FUT4: variants seen among roughly 807,000 people sequenced by gnomAD.
FUT4 encodes the protein fucosyltransferase 4.
Under a neutral mutation model 3.8 loss-of-function variants are expected in FUT4, and 1 was observed. The ratio of observed to expected loss-of-function variants is 0.26; its 90% CI spans 0.09 to 1.25. The LOEUF is 1.25. Ranked by LOEUF, FUT4 falls within the 50% of genes most tolerant of loss-of-function variation. The pLI is 0.47. For synonymous variants in FUT4, 417 were observed against 355.3 expected (o/e 1.17, Z -1.95); for missense variants, 880 against 768.2 (o/e 1.15, Z -1.72).
chr11:94,544,868 G>T lies in FUT4; in HGVS notation c.735G>T (p.Gly245=). The stretch of plus-strand genomic sequence containing the variant: ...TCCACCACCGCGACCTCGTGAAGGG[G>T]CCCCCCGACTGGCCCCCGCCCTGGG... ...VLFHHRDLVK[G]PPDWPPPWGI... The change falls in exon 1 of 1, where the codon GGG becomes GGT. Residue 245 remains glycine, a synonymous_variant. Transcript: ENST00000358752. The T allele has an allele frequency of 1.2e-6, 2 of 1,608,634 alleles. No homozygotes were observed.
chr11:94,544,173 G>A lies in FUT4; in HGVS notation c.40G>A (p.Ala14Thr). ...GGGCGCGGCCCGGAAGCCCTCGGGC[G>A]CGGGCTGGGAGAAGGAGTGGGCGGA... is the stretch of plus-strand genomic sequence containing the variant. ...LWGAARKPSG[A>T]GWEKEWAEAP... Residue 14 changes from alanine (A) to threonine (T), a missense_variant, in exon 1 of 1, where the codon GCG becomes ACG. Physicochemically the swap from Ala to Thr is moderately conservative, Grantham distance 58. Transcript: ENST00000358752. 2 of 1,393,576 alleles carry A rather than the reference G, an allele frequency of 1.4e-6. No homozygotes were observed. The highest frequency in any genetic ancestry group is 1.5e-5 in the African/African-American group (1 of 65,458). 86.3% of individuals were successfully genotyped at this position (1,393,576 alleles called of 1,614,324 possible). A position where few individuals can be genotyped will look rare whatever the true frequency, so the allele number is the denominator to read the frequency against.
rs1019864370 is a variant in FUT4, at chr11:94,547,981, C to T, written c.*2255C>T. The T allele has an allele frequency of 3.0e-5, 5 of 166,852 alleles. No individual in the cohort carries two copies. Among genetic ancestry groups the T allele is most frequent in the African/African-American group, 1.2e-4 (5 of 41,406 alleles). The allele number at this position is 166,852 out of a possible 1,614,324, so 10.3% of individuals were successfully genotyped here. On this transcript the variant is annotated 3_prime_UTR_variant, in exon 1 of 1. Coordinates refer to ENST00000358752, the MANE Select transcript of FUT4 (RefSeq NM_002033.4). ...GCTTGCAGTGATTTCAGGATGTCCTCATATCTATTTATAGGTCTAAAATTA... is the reference window on the plus strand; with the variant it reads ...GCTTGCAGTGATTTCAGGATGTCCTTATATCTATTTATAGGTCTAAAATTA...
At position 94,544,792 on chromosome 11, in the gene FUT4, G is replaced by T; in HGVS notation, c.659G>T (p.Cys220Phe). 1 of 1,593,092 alleles carries T rather than the reference G, an allele frequency of 6.3e-7. No individual in the cohort carries two copies. ...DCRLRFNISGCRLLTDRASYG... is the reference protein window; with the variant it reads ...DCRLRFNISGFRLLTDRASYG... ...CGGCTGCGCTTCAACATCAGCGGCTGCCGCCTGCTCACCGACCGCGCGTCC... is the reference window on the plus strand; with the variant it reads ...CGGCTGCGCTTCAACATCAGCGGCTTCCGCCTGCTCACCGACCGCGCGTCC... The change falls in exon 1 of 1, where the codon TGC becomes TTC. Residue 220 changes from cysteine to phenylalanine, a missense_variant. By Grantham distance (205) the Cys-to-Phe change is radical. Coordinates refer to ENST00000358752, the MANE Select transcript of FUT4 (RefSeq NM_002033.4).
rs575691176 is a variant in FUT4, at chr11:94,544,889, C to T, written c.756C>T (p.Pro252=). The change falls in exon 1 of 1, where the codon CCC becomes CCT. Residue 252 remains proline, a synonymous_variant. Transcript: ENST00000358752. The part of the protein sequence containing the change: ...LVKGPPDWPP[P]WGIQAHTAEE... ...AGGGGCCCCCCGACTGGCCCCCGCCCTGGGGCATCCAGGCGCACACTGCCG... is the reference window on the plus strand; with the variant it reads ...AGGGGCCCCCCGACTGGCCCCCGCCTTGGGGCATCCAGGCGCACACTGCCG... 1.2e-6 allele frequency: 2 copies of T among 1,609,472 alleles called. No individual in the cohort carries two copies. The highest frequency in any genetic ancestry group is 1.7e-6 in the Non-Finnish European group (2 of 1,179,306).
At position 94,544,075 on chromosome 11, in the gene FUT4, G is replaced by A; in HGVS notation, c.-59G>A. The A allele has an allele frequency of 7.3e-7, 1 of 1,362,182 alleles. No individual in the cohort carries two copies. The allele number at this position is 1,362,182 out of a possible 1,614,324, so 84.4% of individuals were successfully genotyped here. On this transcript the variant is annotated 5_prime_UTR_variant, in exon 1 of 1. Coordinates refer to ENST00000358752, the MANE Select transcript of FUT4 (RefSeq NM_002033.4). The stretch of plus-strand genomic sequence containing the variant: ...TTCGGGCCACAGTGAGCGAGGGCCA[G>A]GGCGGTGGGCGCGCGCAGAGGGAAA...
At position 94,544,053 on chromosome 11, in the gene FUT4, G is replaced by A; in HGVS notation, c.-81G>A. On this transcript the variant is annotated 5_prime_UTR_variant, in exon 1 of 1. Transcript: ENST00000358752. ...CCTTCCCTCTGGAAGGCGAGGGTTC[G>A]GGCCACAGTGAGCGAGGGCCAGGGC... 3 of 1,346,860 alleles carry A rather than the reference G, an allele frequency of 2.2e-6. No individual in the cohort carries two copies. The highest frequency in any genetic ancestry group is 4.1e-5 in the South Asian group (2 of 49,276). The allele number at this position is 1,346,860 out of a possible 1,614,324, so 83.4% of individuals were successfully genotyped here.
chr11:94,548,594 TCTC>T lies in FUT4; in HGVS notation c.*2869_*2871del, dbSNP rs1947891538. The T allele has an allele frequency of 1.2e-5, 2 of 167,144 alleles. No homozygotes were observed. Among genetic ancestry groups the T allele is most frequent in the African/African-American group, 4.8e-5 (2 of 41,556 alleles). The allele number at this position is 167,144 out of a possible 1,614,324, so 10.4% of individuals were successfully genotyped here. On this transcript the variant is annotated 3_prime_UTR_variant, in exon 1 of 1. Transcript: ENST00000358752. ...TTAATGTGGAACAATTTAACACTAA[TCTC>T]ATCAGAGAGCGAGATGAATGTGGCA...
In FUT4 at chr11:94,544,661, G is replaced by A. The variant is rs1425368617; in HGVS notation, c.528G>A (p.Pro176=). ...LITYACWGQL[P]PLPWASPTPS... Reference sequence around the variant, plus strand: ...CCTACGCTTGCTGGGGGCAGCTGCCGCCGCTGCCCTGGGCGTCGCCAACCC... The same window carrying A: ...CCTACGCTTGCTGGGGGCAGCTGCCACCGCTGCCCTGGGCGTCGCCAACCC... Residue 176 remains proline, a synonymous_variant, in exon 1 of 1, where the codon CCG becomes CCA. Transcript: ENST00000358752. 3.3e-6 allele frequency: 5 copies of A among 1,521,984 alleles called. No individual in the cohort carries two copies. Among genetic ancestry groups the A allele is most frequent in the Non-Finnish European group, 4.4e-6 (5 of 1,149,170 alleles). 94.3% of individuals were successfully genotyped at this position (1,521,984 alleles called of 1,614,324 possible).
In FUT4 at chr11:94,544,396, C is replaced by G; in HGVS notation, c.263C>G (p.Ala88Gly). ...HSGTAPFHSR[A>G]SGERQRRLEP... The stretch of plus-strand genomic sequence containing the variant: ...GGGACCGCCCCCTTCCATTCCCGGG[C>G]CAGCGGCGAGCGGCAGCGACGGCTG... The change falls in exon 1 of 1, where the codon GCC (alanine) becomes GGC (glycine). Residue 88 changes from alanine to glycine, a missense_variant. This residue lies in a region of FUT4 where 447 missense variants were observed against 339.5 expected (regional missense o/e 1.32). Coordinates refer to ENST00000358752, the MANE Select transcript of FUT4 (RefSeq NM_002033.4). 1 of 1,535,776 alleles carries G rather than the reference C, an allele frequency of 6.5e-7. No individual in the cohort carries two copies. The highest frequency in any genetic ancestry group is 8.7e-7 in the Non-Finnish European group (1 of 1,149,118).
rs1947848886 is a variant in FUT4 at position 94,545,391 on chromosome 11, G to A, written c.1258G>A (p.Asp420Asn). The A allele has an allele frequency of 6.2e-7, 1 of 1,612,960 alleles. No homozygotes were observed. The highest frequency in any genetic ancestry group is 8.5e-7 in the Non-Finnish European group (1 of 1,179,864). ...GGCTTTCGAGAACTCGCAGCACCTG[G>A]ATTATATCACCGAGAAGCTCTGGCG... ...YLAFENSQHL[D>N]YITEKLWRNA... The change falls in exon 1 of 1, where the codon GAT (aspartate) becomes AAT (asparagine). Residue 420 changes from aspartate (D) to asparagine (N), a missense_variant. Asp to Asn is a conservative substitution (Grantham distance 23). Coordinates refer to ENST00000358752, the MANE Select transcript of FUT4 (RefSeq NM_002033.4).
Position 94,544,707 on chromosome 11 carries a change from C to G in FUT4, c.574C>G (p.Leu192Val), listed in dbSNP as rs113641402. Reference sequence around the variant, plus strand: ...AACCCCGTCGCGACCGGTGGGCGTGCTGCTGTGGTGGGAGCCCTTCGGGGG... The same window carrying G: ...AACCCCGTCGCGACCGGTGGGCGTGGTGCTGTGGTGGGAGCCCTTCGGGGG... ...SPTPSRPVGV[L>V]LWWEPFGGRD... Residue 192 changes from leucine to valine, a missense_variant, in exon 1 of 1, where the codon CTG becomes GTG. This residue lies in a region of FUT4 where 447 missense variants were observed against 339.5 expected (regional missense o/e 1.32). Transcript: ENST00000358752. The G allele has an allele frequency of 1.6e-5, 25 of 1,544,978 alleles. No individual in the cohort carries two copies. The highest frequency in any genetic ancestry group is 8.3e-5 in the Admixed American group (4 of 47,922).
chr11:94,549,572 A>G lies in FUT4; in HGVS notation c.*3846A>G, dbSNP rs1342056155. ...CCAATGTGGCTTCCTTACAGTCTGG[A>G]ACTGACAATATGCAGGAGCAGTAAA... On this transcript the variant is annotated 3_prime_UTR_variant, in exon 1 of 1. Coordinates refer to ENST00000358752, the MANE Select transcript of FUT4 (RefSeq NM_002033.4). 1 of 167,116 alleles carries G rather than the reference A, an allele frequency of 6.0e-6. No individual in the cohort carries two copies. The highest frequency in any genetic ancestry group is 1.5e-5 in the Non-Finnish European group (1 of 68,126). The allele number at this position is 167,116 out of a possible 1,614,324, so 10.4% of individuals were successfully genotyped here. A position where few individuals can be genotyped will look rare whatever the true frequency, so the allele number is the denominator to read the frequency against.
In FUT4 at chr11:94,545,568, C is replaced by T. The variant is rs1565259475; in HGVS notation, c.1435C>T (p.Pro479Ser). 4 of 1,613,496 alleles carry T rather than the reference C, an allele frequency of 2.5e-6. No individual in the cohort carries two copies. The highest frequency in any genetic ancestry group is 1.6e-4 in the Middle Eastern group (1 of 6,084). The change falls in exon 1 of 1, where the codon CCC (proline) becomes TCC (serine). Residue 479 changes from proline (P) to serine (S), a missense_variant. Around this residue, in one of 3 missense-constraint regions of FUT4, gnomAD observed 424 missense variants for 400.4 expected, o/e 1.06. Coordinates refer to ENST00000358752, the MANE Select transcript of FUT4 (RefSeq NM_002033.4). ...ASYLLFLDRN[P>S]AVYRRYFHWR... ...GTACCTGCTTTTCCTCGACCGCAAC[C>T]CCGCGGTCTATCGCCGCTACTTCCA...
In FUT4 at chr11:94,547,261, T is replaced by C. The variant is rs1947873841; in HGVS notation, c.*1535T>C. The C allele has an allele frequency of 6.0e-6, 1 of 166,978 alleles. No individual in the cohort carries two copies. Among genetic ancestry groups the C allele is most frequent in the Non-Finnish European group, 1.5e-5 (1 of 68,122 alleles). The allele number at this position is 166,978 out of a possible 1,614,324, so 10.3% of individuals were successfully genotyped here. On this transcript the variant is annotated 3_prime_UTR_variant, in exon 1 of 1. Transcript: ENST00000358752. ...GACTGATAAAACAATTGGCAGAACCTGTTTGATTACTGTGACAGTCTTAAT... is the reference window on the plus strand; with the variant it reads ...GACTGATAAAACAATTGGCAGAACCCGTTTGATTACTGTGACAGTCTTAAT...
In FUT4 at chr11:94,545,781, C is replaced by T. The variant is rs527908470; in HGVS notation, c.*55C>T. ...GAGGCCAAGTTGTCAGCTTTTTGAT[C>T]CTCTACTGTGCATCTCCTTGACTGC... On this transcript the variant is annotated 3_prime_UTR_variant, in exon 1 of 1. Transcript: ENST00000358752. 101 of 1,553,786 alleles carry T rather than the reference C, an allele frequency of 6.5e-5. 1 individual carries two copies. The highest frequency in any genetic ancestry group is 2.2e-4 in the South Asian group (19 of 85,592).
Position 94,546,239 on chromosome 11 carries a change from T to C in FUT4, c.*513T>C. The C allele has an allele frequency of 3.3e-6, 1 of 299,786 alleles. No individual in the cohort carries two copies. The highest frequency in any genetic ancestry group is 6.9e-6 in the Non-Finnish European group (1 of 145,322). The allele number at this position is 299,786 out of a possible 1,614,324, so 18.6% of individuals were successfully genotyped here. A position where few individuals can be genotyped will look rare whatever the true frequency, so the allele number is the denominator to read the frequency against. On this transcript the variant is annotated 3_prime_UTR_variant, in exon 1 of 1. Transcript: ENST00000358752. Reference sequence around the variant, plus strand: ...GGTGGGACTTTGTTGTTTGGATTCCTCACAGCCTTGGCTCCTGAGAAAGGT... The same window carrying C: ...GGTGGGACTTTGTTGTTTGGATTCCCCACAGCCTTGGCTCCTGAGAAAGGT...
chr11:94,545,358 T>A lies in FUT4; in HGVS notation c.1225T>A (p.Phe409Ile). The A allele has an allele frequency of 6.2e-7, 1 of 1,612,890 alleles. No homozygotes were observed. Among genetic ancestry groups the A allele is most frequent in the Non-Finnish European group, 8.5e-7 (1 of 1,179,814 alleles). Residue 409 changes from phenylalanine (F) to isoleucine (I), a missense_variant, in exon 1 of 1, where the codon TTC becomes ATC. Coordinates refer to ENST00000358752, the MANE Select transcript of FUT4 (RefSeq NM_002033.4). The stretch of plus-strand genomic sequence containing the variant: ...CCTGCACACAGTGGCCCGCTACAAG[T>A]TCTACCTGGCTTTCGAGAACTCGCA... Reference protein sequence around the residue: ...GLLHTVARYKFYLAFENSQHL... With the variant: ...GLLHTVARYKIYLAFENSQHL...
rs1026882161 is a variant in FUT4 at position 94,544,462 on chromosome 11, C to T, written c.329C>T (p.Thr110Met). Residue 110 changes from threonine to methionine, a missense_variant, in exon 1 of 1, where the codon ACG (threonine) becomes ATG (methionine). Physicochemically the swap from Thr to Met is moderately conservative, Grantham distance 81 (BLOSUM62 -1). This residue lies in a region of FUT4 where 447 missense variants were observed against 339.5 expected (regional missense o/e 1.32). Coordinates refer to ENST00000358752, the MANE Select transcript of FUT4 (RefSeq NM_002033.4). ...LQHESRCRSS[T>M]PADAWRAEAA... is the part of the protein sequence containing the mutation. ...CATGAGAGCCGGTGCCGCTCCTCCA[C>T]GCCTGCGGACGCGTGGCGAGCGGAG... 3.3e-6 allele frequency: 5 copies of T among 1,497,200 alleles called. No individual in the cohort carries two copies. The highest frequency in any genetic ancestry group is 4.3e-5 in the Admixed American group (2 of 47,042). 92.7% of individuals were successfully genotyped at this position (1,497,200 alleles called of 1,614,324 possible).
chr11:94,545,107 A>C lies in FUT4; in HGVS notation c.974A>C (p.Asp325Ala). The C allele has an allele frequency of 6.2e-7, 1 of 1,612,514 alleles. No homozygotes were observed. The highest frequency in any genetic ancestry group is 8.5e-7 in the Non-Finnish European group (1 of 1,179,772). The change falls in exon 1 of 1, where the codon GAC (aspartate) becomes GCC (alanine). Residue 325 changes from aspartate to alanine, a missense_variant. Around this residue, in one of 3 missense-constraint regions of FUT4, gnomAD observed 424 missense variants for 400.4 expected, o/e 1.06. Transcript: ENST00000358752. ...ACGCTCTCCTACCGGGCGGACTCGG[A>C]CGTCTTTGTGCCTTATGGCTACCTC... Reference protein sequence around the residue: ...NWTLSYRADSDVFVPYGYLYP... With the variant: ...NWTLSYRADSAVFVPYGYLYP...
Sources: allele counts gnomAD v4.1 joint callset, GRCh38; gene constraint gnomAD v4.1.1; regional missense constraint gnomAD v4.1.1; transcripts MANE v1.5; gene names NCBI Gene and HGNC (gene_info 2026-07-23, HGNC 2026-07-21).